Variants in ATP8A2 observed in about 807,000 individuals in gnomAD.
The protein encoded by ATP8A2 is ATPase phospholipid transporting 8A2, also known as phospholipid-transporting ATPase IB.
A neutral mutation model predicts 165.6 loss-of-function variants in ATP8A2; 100 were observed. The ratio of observed to expected loss-of-function variants is 0.60; its 90% CI spans 0.51 to 0.71. ATP8A2 has a LOEUF of 0.71. Among genes scored for constraint, ATP8A2 ranks in the 30% least tolerant of loss-of-function variants. ATP8A2 has a pLI of 0.00. For synonymous variants in ATP8A2, 543 were observed against 548.8 expected, an observed-to-expected ratio of 0.99 and a Z score of 0.15; for missense variants, 1,227 against 1,479.5, an observed-to-expected ratio of 0.83 and a Z score of 2.80.
rs545842078 is a variant in ATP8A2, at chr13:25,686,168, G to A, written c.2212-13005G>A. Among the ~76,000 whole-genome samples, 24 of 152,256 alleles carry A rather than the reference G, an allele frequency of 1.6e-4. No individual in the cohort carries two copies. The South Asian group carries it at 4.8e-3, about 30-fold the overall frequency. Reference sequence around the variant, plus strand: ...AGGGCCATGCAGGCTTGGGAGGGAGGGAACCAGGAACTCAGTTTGGGGCAT... The same window carrying A: ...AGGGCCATGCAGGCTTGGGAGGGAGAGAACCAGGAACTCAGTTTGGGGCAT... On this transcript the variant is annotated intron_variant, in intron 24 of 36. Transcript: ENST00000381655.
intron 33 of ATP8A2, among the ~76,000 whole-genome samples, chr13:25,903,334 G>C (rs1953823341): frequency 6.6e-6 from 1 of 151,958 alleles, no homozygotes; most frequent in Non-Finnish European, 1.5e-5. Flanking sequence ...CTCCACCACA[G>C]ACCCTGCTAG....
At chr13:25,832,063 C>A (rs1461821845) in intron 28 of ATP8A2, among the ~76,000 whole-genome samples, 1 of 151,892 alleles carries the variant, frequency 6.6e-6, no homozygotes, top group Non-Finnish European at 1.5e-5. Context: ...CCTCAGCCTC[C>A]CGAGTAGCCA....
intron 1 of ATP8A2, among the ~76,000 whole-genome samples, chr13:25,453,073 G>A (rs2035270986): frequency 6.6e-6 from 1 of 152,032 alleles, no homozygotes; most frequent in Admixed American, 6.6e-5. Flanking sequence ...CAGCCTGGGT[G>A]ACAGAGTGAG....
intron 28 of ATP8A2, among the ~76,000 whole-genome samples, chr13:25,833,036 A>T (rs893700847): frequency 3.3e-5 from 5 of 152,108 alleles, no homozygotes; most frequent in Admixed American, 6.6e-5. Context: ...ATATATTTTT[A>T]AAATCAATAG....
intron 27 of ATP8A2, among the ~76,000 whole-genome samples, chr13:25,795,965 T>TA (rs1437386491): frequency 1.1e-4 from 16 of 151,634 alleles, no homozygotes; most frequent in South Asian, 4.2e-4. Flanking sequence ...TTTTTTTTTT[T>TA]AAAAGACAGG....
intron 25 of ATP8A2, among the ~76,000 whole-genome samples, chr13:25,707,594 T>C (rs9578913): frequency 0.048 from 7,248 of 152,306 alleles, 210 homozygotes; most frequent in Middle Eastern, 0.099. Flanking sequence ...TTGTCAGCTA[T>C]GAGCAACTGA....
At chr13:25,486,124 TG>T (rs1188956778) in intron 2 of ATP8A2, among the ~76,000 whole-genome samples, 1 of 152,232 alleles carries the variant, frequency 6.6e-6, no homozygotes, top group Non-Finnish European at 1.5e-5. Context: ...GGTCCTTCTG[TG>T]TCTAGTTTTA....
At chr13:25,403,205 C>T (rs2033694232) in intron 1 of ATP8A2, among the ~76,000 whole-genome samples, 1 of 152,182 alleles carries the variant, frequency 6.6e-6, no homozygotes, top group Admixed American at 6.5e-5. Context: ...AAACAAGGCA[C>T]CATCTTGGAA....
At chr13:25,513,428 C>T (rs2037343170) in intron 2 of ATP8A2, among the ~76,000 whole-genome samples, 1 of 143,446 alleles carries the variant, frequency 7.0e-6, no homozygotes, top group Non-Finnish European at 1.6e-5. Flanking sequence ...CTCCTCACTT[C>T]CTAGATGTGA....
intron 2 of ATP8A2, among the ~76,000 whole-genome samples, chr13:25,521,051 T>C (rs2037656622): frequency 6.6e-6 from 1 of 152,218 alleles, no homozygotes; most frequent in South Asian, 2.1e-4. Context: ...TTTTTTATAA[T>C]AGCCATTTAC....
chr13:25,623,445 GTTC>G (rs1048170638), intron 24 of ATP8A2, among the ~76,000 whole-genome samples: 5 of 151,744 alleles, frequency 3.3e-5, no homozygotes, highest in African/African-American at 1.2e-4. Flanking sequence ...TTTTTCAAAA[GTTC>G]TTCTCAGTGT....
chr13:25,935,658 C>G (rs1954864381), intron 33 of ATP8A2, among the ~76,000 whole-genome samples: 1 of 152,100 alleles, frequency 6.6e-6, no homozygotes, highest in Non-Finnish European at 1.5e-5. Context: ...GGAAGCATCA[C>G]ACTCCTTTAA....
chr13:25,472,550 A>G (rs917767920), intron 2 of ATP8A2, among the ~76,000 whole-genome samples: 3 of 152,234 alleles, frequency 2.0e-5, no homozygotes, highest in African/African-American at 4.8e-5. Context: ...TATCTTGGCC[A>G]TGAATGTTTG....
chr13:25,802,938 T>C (rs575161985), intron 27 of ATP8A2, among the ~76,000 whole-genome samples: 3 of 149,974 alleles, frequency 2.0e-5, no homozygotes, highest in Non-Finnish European at 4.4e-5. Flanking sequence ...TTGTATGCTT[T>C]GGAAAGACTC....
At chr13:25,887,405 C>G (rs1433583842) in intron 33 of ATP8A2, among the ~76,000 whole-genome samples, 1 of 151,838 alleles carries the variant, frequency 6.6e-6, no homozygotes, top group Non-Finnish European at 1.5e-5. Context: ...GTGGCGCGAT[C>G]TTGGCTCACT....
chr13:25,596,874 TTAC>T (rs1181401343), intron 24 of ATP8A2, among the ~76,000 whole-genome samples: 1 of 152,244 alleles, frequency 6.6e-6, no homozygotes, highest in Non-Finnish European at 1.5e-5. Flanking sequence ...CCTGCTAGTA[TTAC>T]CTGCGAGTTT....
At chr13:25,748,897 G>T (rs902791102) in intron 25 of ATP8A2, among the ~76,000 whole-genome samples, 3 of 152,082 alleles carry the variant, frequency 2.0e-5, no homozygotes, top group Non-Finnish European at 4.4e-5. Context: ...TGTAAAGAGT[G>T]CCCCCCATCA....
intron 35 of ATP8A2, among the ~76,000 whole-genome samples, chr13:25,997,682 C>T (rs778442492): frequency 7.2e-5 from 11 of 152,150 alleles, no homozygotes; most frequent in Non-Finnish European, 1.2e-4. Context: ...AGTTCACTAA[C>T]GATTTCCTCT....
chr13:25,628,013 G>T (rs999031055), intron 24 of ATP8A2, among the ~76,000 whole-genome samples: 6 of 152,152 alleles, frequency 3.9e-5, no homozygotes, highest in Non-Finnish European at 7.3e-5. Context: ...TGATCACATT[G>T]AGAAGCCATG....
Sources: allele counts gnomAD v4.1 joint callset (sites outside exome capture counted in the v4.1 genomes callset), GRCh38; gene constraint gnomAD v4.1.1; transcripts MANE v1.5; gene names NCBI Gene and HGNC (gene_info 2026-07-23, HGNC 2026-07-21).